The following ZXDA variants were observed in gnomAD, a reference collection of about 807,000 sequenced individuals.
The protein encoded by ZXDA is zinc finger X-linked protein ZXDA.
A neutral mutation model predicts 10.1 loss-of-function variants in ZXDA; 5 were observed. That is an observed-to-expected ratio of 0.50 (90% CI 0.26 to 1.04). ZXDA has a LOEUF of 1.04. ZXDA is among the 50% of genes least tolerant of loss of function. The probability of loss-of-function intolerance (pLI) is 0.14; values close to 1 mark genes in which losing one functional copy is unlikely to be tolerated. For missense variants in ZXDA, 501 were observed against 672.4 expected (o/e 0.75, Z 2.82); for synonymous variants, 266 against 313.1 (o/e 0.85, Z 1.59).
rs761563254 is a variant in ZXDA, at chrX:57,909,434, G to T, written c.987C>A (p.Pro329=). The T allele has an allele frequency of 1.6e-6, 2 of 1,212,239 alleles. No individual in the cohort carries two copies. The change falls in exon 1 of 1, where the codon CCC becomes CCA. Residue 329 remains proline (P), a synonymous_variant. Transcript: ENST00000358697. ...RHLQSHDKLR[P]FGCPAEGCGK... ...CACAGCCCTCCGCAGGGCAGCCGAA[G>T]GGCCGCAGTTTATCGTGCGACTGCA...
chrX:57,909,905 C>A lies in ZXDA; in HGVS notation c.516G>T (p.Leu172=). 1 of 1,198,952 alleles carries A rather than the reference C, an allele frequency of 8.3e-7. No individual in the cohort carries two copies. Among genetic ancestry groups the A allele is most frequent in the African/African-American group, 1.7e-5 (1 of 57,217 alleles). The change falls in exon 1 of 1, where the codon CTG becomes CTT. Residue 172 remains leucine (L), a synonymous_variant. Transcript: ENST00000358697. ...GGACGCCGTTCTCAAAGCGCAACAG[C>A]AGGTCCTGGTTGTGGATAGTGACTG... The part of the protein sequence containing the change: ...AGTVTIHNQD[L]LLRFENGVLT...
In ZXDA at chrX:57,910,352, C is replaced by T. The variant is rs1157562892; in HGVS notation, c.69G>A (p.Ala23=). The change falls in exon 1 of 1, where the codon GCG becomes GCA. Residue 23 remains alanine, a synonymous_variant. Transcript: ENST00000358697. ...GGCCTCGGTGGACTCGGCCGCCACCCGCGGGGATACCGCCGCCGCCGCCGC... is the reference window on the plus strand; with the variant it reads ...GGCCTCGGTGGACTCGGCCGCCACCTGCGGGGATACCGCCGCCGCCGCCGC... ...LQGGGGGGIP[A]GGGRVHRGPD... 8.7e-6 allele frequency: 9 copies of T among 1,033,307 alleles called. No individual in the cohort carries two copies. Among genetic ancestry groups the T allele is most frequent in the Non-Finnish European group, 7.4e-6 (6 of 813,176 alleles). 85.2% of individuals were successfully genotyped at this position (1,033,307 alleles called of 1,213,427 possible). A position where few individuals can be genotyped will look rare whatever the true frequency, so the allele number is the denominator to read the frequency against.
In ZXDA at chrX:57,909,671, G is replaced by T; in HGVS notation, c.750C>A (p.Ala250=). ...APQEEAEGLA[A]ALGPRGLLGS... ...CCAGCAGTCCGCGGGGGCCCAGGGCGGCGGCCAGGCCCTCCGCCTCCTCCT... is the reference window on the plus strand; with the variant it reads ...CCAGCAGTCCGCGGGGGCCCAGGGCTGCGGCCAGGCCCTCCGCCTCCTCCT... The change falls in exon 1 of 1, where the codon GCC becomes GCA. Residue 250 remains alanine, a synonymous_variant. Coordinates refer to ENST00000358697, the MANE Select transcript of ZXDA (RefSeq NM_007156.5). The T allele has an allele frequency of 8.5e-7, 1 of 1,180,032 alleles. No homozygotes were observed. Among genetic ancestry groups the T allele is most frequent in the South Asian group, 1.9e-5 (1 of 53,761 alleles).
At position 57,910,067 on chromosome X, in the gene ZXDA, C is replaced by T; in HGVS notation, c.354G>A (p.Lys118=). 1 of 1,182,866 alleles carries T rather than the reference C, an allele frequency of 8.5e-7. No homozygotes were observed. Among genetic ancestry groups the T allele is most frequent in the Non-Finnish European group, 1.1e-6 (1 of 887,011 alleles). ...AAGPVLREEA[K]AGPGLQGDES... is the part of the protein sequence containing the mutation. ...CGTCCCCCTGGAGCCCCGGGCCCGC[C>T]TTGGCCTCCTCCCTCAACACAGGCC... is the stretch of plus-strand genomic sequence containing the variant. The change falls in exon 1 of 1, where the codon AAG becomes AAA. Residue 118 remains lysine (K), a synonymous_variant. Transcript: ENST00000358697.
rs372260731 is a variant in ZXDA at position 57,909,797 on chromosome X, T to G, written c.624A>C (p.Gln208His). 349 of 1,200,836 alleles carry G rather than the reference T, an allele frequency of 2.9e-4. No individual in the cohort carries two copies. The highest frequency in any genetic ancestry group is 3.7e-4 in the Non-Finnish European group (329 of 891,356). Residue 208 changes from glutamine (Q) to histidine (H), a missense_variant, in exon 1 of 1, where the codon CAA becomes CAC. By Grantham distance (24) the Gln-to-His change is conservative. Transcript: ENST00000358697. ...AQQPRCLIAPQAGFPQAAHPG... is the reference protein window; with the variant it reads ...AQQPRCLIAPHAGFPQAAHPG... ...GGTGCGCGGCTTGCGGGAACCCAGCTTGGGGGGCGATCAGACACCTGGGCT... is the reference window on the plus strand; with the variant it reads ...GGTGCGCGGCTTGCGGGAACCCAGCGTGGGGGGCGATCAGACACCTGGGCT...
Position 57,910,369 on chromosome X carries a change from C to T in ZXDA, c.52G>A (p.Gly18Ser), listed in dbSNP as rs2014417304. The change falls in exon 1 of 1, where the codon GGC becomes AGC. Residue 18 changes from glycine (G) to serine (S), a missense_variant. Coordinates refer to ENST00000358697, the MANE Select transcript of ZXDA (RefSeq NM_007156.5). ...CCGCCACCCGCGGGGATACCGCCGCCGCCGCCGCCCTGTAGTGTCCCGCGA... is the reference window on the plus strand; with the variant it reads ...CCGCCACCCGCGGGGATACCGCCGCTGCCGCCGCCCTGTAGTGTCCCGCGA... ...PARGTLQGGG[G>S]GGIPAGGGRV... is the part of the protein sequence containing the mutation. 4 of 1,029,503 alleles carry T rather than the reference C, an allele frequency of 3.9e-6. No individual in the cohort carries two copies. Among genetic ancestry groups the T allele is most frequent in the Non-Finnish European group, 4.9e-6 (4 of 811,429 alleles). 84.8% of individuals were successfully genotyped at this position (1,029,503 alleles called of 1,213,427 possible).
rs759179481 is a variant in ZXDA at position 57,909,218 on chromosome X, G to A, written c.1203C>T (p.Ile401=). 3 of 1,210,427 alleles carry A rather than the reference G, an allele frequency of 2.5e-6. No individual in the cohort carries two copies. Among genetic ancestry groups the A allele is most frequent in the Non-Finnish European group, 3.4e-6 (3 of 895,342 alleles). Residue 401 remains isoleucine, a synonymous_variant, in exon 1 of 1, where the codon ATC becomes ATT. Coordinates refer to ENST00000358697, the MANE Select transcript of ZXDA (RefSeq NM_007156.5). ...TATGGGAAAACAGAGCACTCACTGT[G>A]ATAAATGTCTTCTTGCAGCCAGAAA... ...CAFSGCKKTF[I]TVSALFSHNR... is the part of the protein sequence containing the mutation.
At position 57,907,809 on chromosome X, in the gene ZXDA, G is replaced by T. The variant is rs1330660552; in HGVS notation, c.*212C>A. 5.0e-6 allele frequency: 2 copies of T among 398,270 alleles called. No individual in the cohort carries two copies. Among genetic ancestry groups the T allele is most frequent in the Non-Finnish European group, 8.6e-6 (2 of 233,523 alleles). 32.8% of individuals were successfully genotyped at this position (398,270 alleles called of 1,213,427 possible). A position where few individuals can be genotyped will look rare whatever the true frequency, so the allele number is the denominator to read the frequency against. On this transcript the variant is annotated 3_prime_UTR_variant, in exon 1 of 1. Coordinates refer to ENST00000358697, the MANE Select transcript of ZXDA (RefSeq NM_007156.5). ...CACAATTTATAAATAAGGAAATTAA[G>T]GCTCAGATAGGTTAAGTGACTTGCT...
At position 57,907,816 on chromosome X, in the gene ZXDA, A is replaced by G. The variant is rs770475748; in HGVS notation, c.*205T>C. On this transcript the variant is annotated 3_prime_UTR_variant, in exon 1 of 1. Transcript: ENST00000358697. ...TATAAATAAGGAAATTAAGGCTCAGATAGGTTAAGTGACTTGCTGAGGGTC... is the reference window on the plus strand; with the variant it reads ...TATAAATAAGGAAATTAAGGCTCAGGTAGGTTAAGTGACTTGCTGAGGGTC... 33 of 418,342 alleles carry G rather than the reference A, an allele frequency of 7.9e-5. No individual in the cohort carries two copies. The highest frequency in any genetic ancestry group is 7.7e-4 in the African/African-American group (31 of 40,074). The allele number at this position is 418,342 out of a possible 1,213,427, so 34.5% of individuals were successfully genotyped here.
At position 57,910,042 on chromosome X, in the gene ZXDA, C is replaced by G. The variant is rs199526707; in HGVS notation, c.379G>C (p.Glu127Gln). ...AKAGPGLQGD[E>Q]SGANPAGCSA... ...CAGCCCGCGGGGTTCGCGCCGCTCT[C>G]GTCCCCCTGGAGCCCCGGGCCCGCC... Residue 127 changes from glutamate to glutamine, a missense_variant, in exon 1 of 1, where the codon GAG (glutamate) becomes CAG (glutamine). By Grantham distance (29) the Glu-to-Gln change is conservative (BLOSUM62 2). Around this residue, in one of 5 missense-constraint regions of ZXDA, gnomAD observed 251 missense variants for 221.6 expected, o/e 1.13. Transcript: ENST00000358697. 375 of 1,151,781 alleles carry G rather than the reference C, an allele frequency of 3.3e-4. 5 individuals carry two copies. The African/African-American group carries it at 4.9e-3, about 15-fold the overall frequency. The allele number at this position is 1,151,781 out of a possible 1,213,427, so 94.9% of individuals were successfully genotyped here.
chrX:57,909,750 C>G lies in ZXDA; in HGVS notation c.671G>C (p.Arg224Pro), dbSNP rs781048780. The G allele has an allele frequency of 2.7e-4, 318 of 1,191,803 alleles. No individual in the cohort carries two copies. In the Admixed American group the frequency reaches 3.7e-3, roughly 14 times the overall value. ...AAHPGDCPEL[R>P]SDLLLAEPAE... Reference sequence around the variant, plus strand: ...GGGCTCGGCTAGCAGGAGGTCGGACCGCAGCTCTGGGCAGTCACCCGGGTG... The same window carrying G: ...GGGCTCGGCTAGCAGGAGGTCGGACGGCAGCTCTGGGCAGTCACCCGGGTG... Residue 224 changes from arginine (R) to proline (P), a missense_variant, in exon 1 of 1, where the codon CGG (arginine) becomes CCG (proline). Around this residue, in one of 5 missense-constraint regions of ZXDA, gnomAD observed 251 missense variants for 221.6 expected, o/e 1.13. Coordinates refer to ENST00000358697, the MANE Select transcript of ZXDA (RefSeq NM_007156.5).
Position 57,908,061 on chromosome X carries a change from C to G in ZXDA, c.2360G>C (p.Arg787Thr), listed in dbSNP as rs750082980. ...AAGNHGSQKERNLITVTGSSF... is the reference protein window; with the variant it reads ...AAGNHGSQKETNLITVTGSSF... ...GCTGCCAGTCACAGTGATAAGATTT[C>G]TTTCTTTCTGAGAACCATGGTTTCC... The change falls in exon 1 of 1, where the codon AGA (arginine) becomes ACA (threonine). Residue 787 changes from arginine to threonine, a missense_variant. By Grantham distance (71) the Arg-to-Thr change is moderately conservative (BLOSUM62 -1). Coordinates refer to ENST00000358697, the MANE Select transcript of ZXDA (RefSeq NM_007156.5). The G allele has an allele frequency of 2.2e-5, 27 of 1,210,027 alleles. No homozygotes were observed. In the African/African-American group the frequency reaches 2.6e-4, roughly 12 times the overall value.
At position 57,909,392 on chromosome X, in the gene ZXDA, G is replaced by A. The variant is rs150800705; in HGVS notation, c.1029C>T (p.Thr343=). 4 of 1,211,893 alleles carry A rather than the reference G, an allele frequency of 3.3e-6. No individual in the cohort carries two copies. Among genetic ancestry groups the A allele is most frequent in the East Asian group, 5.9e-5 (2 of 33,796 alleles). Residue 343 remains threonine, a synonymous_variant, in exon 1 of 1, where the codon ACC becomes ACT. Coordinates refer to ENST00000358697, the MANE Select transcript of ZXDA (RefSeq NM_007156.5). ...TCATGTGCGCCTTGAGGTTGTACACGGTGGTGAAGCTCTTGCCACAGCCCT... is the reference window on the plus strand; with the variant it reads ...TCATGTGCGCCTTGAGGTTGTACACAGTGGTGAAGCTCTTGCCACAGCCCT... The part of the protein sequence containing the change: ...PAEGCGKSFT[T]VYNLKAHMKG...
At position 57,905,844 on chromosome X, in the gene ZXDA, T is replaced by G; in HGVS notation, c.*2177A>C. Among the ~76,000 whole-genome samples the G allele has an allele frequency of 8.9e-6, 1 of 112,013 alleles. No individual in the cohort carries two copies. The highest frequency in any genetic ancestry group is 4.6e-3 in the Middle Eastern group (1 of 218). ...ATTAAGGAAACAATGTGACAGAGTT[T>G]TAAGATATCTATATAGTTATGTATC... On this transcript the variant is annotated 3_prime_UTR_variant, in exon 1 of 1. Transcript: ENST00000358697.
At position 57,910,150 on chromosome X, in the gene ZXDA, C is replaced by G. The variant is rs947308653; in HGVS notation, c.271G>C (p.Val91Leu). The change falls in exon 1 of 1, where the codon GTG (valine) becomes CTG (leucine). Residue 91 changes from valine (V) to leucine (L), a missense_variant. Around this residue, in one of 5 missense-constraint regions of ZXDA, gnomAD observed 251 missense variants for 221.6 expected, o/e 1.13. Coordinates refer to ENST00000358697, the MANE Select transcript of ZXDA (RefSeq NM_007156.5). ...PSGGGDDFFLVLLDPVGGDVE... is the reference protein window; with the variant it reads ...PSGGGDDFFLLLLDPVGGDVE... ...TCGCCACCCACCGGGTCAAGCAGCA[C>G]CAGGAAGAAGTCGTCGCCGCCGCCG... 2.5e-6 allele frequency: 3 copies of G among 1,200,494 alleles called. No homozygotes were observed. The highest frequency in any genetic ancestry group is 3.4e-6 in the Non-Finnish European group (3 of 893,373).
In ZXDA at chrX:57,910,198, C is replaced by T; in HGVS notation, c.223G>A (p.Ala75Thr). 1 of 1,199,409 alleles carries T rather than the reference C, an allele frequency of 8.3e-7. No homozygotes were observed. The highest frequency in any genetic ancestry group is 1.1e-6 in the Non-Finnish European group (1 of 892,787). The change falls in exon 1 of 1, where the codon GCG becomes ACG. Residue 75 changes from alanine (A) to threonine (T), a missense_variant. Around this residue, in one of 5 missense-constraint regions of ZXDA, gnomAD observed 251 missense variants for 221.6 expected, o/e 1.13. Coordinates refer to ENST00000358697, the MANE Select transcript of ZXDA (RefSeq NM_007156.5). ...CCGCTAGGTTGATGGGGCCTCGGCG[C>T]GAACAGGCTTGGGCCAGGGCCCCGT... ...ASRGPGPSLF[A>T]PRPHQPSGGG...
At position 57,909,688 on chromosome X, in the gene ZXDA, C is replaced by A; in HGVS notation, c.733G>T (p.Ala245Ser). 1 of 1,179,287 alleles carries A rather than the reference C, an allele frequency of 8.5e-7. No homozygotes were observed. Among genetic ancestry groups the A allele is most frequent in the East Asian group, 3.1e-5 (1 of 32,292 alleles). ...CCCAGGGCGGCGGCCAGGCCCTCCG[C>A]CTCCTCCTGGGGCGCCGGAGCAGGC... ...PAPAPAPQEE[A>S]EGLAAALGPR... The change falls in exon 1 of 1, where the codon GCG (alanine) becomes TCG (serine). Residue 245 changes from alanine to serine, a missense_variant. Coordinates refer to ENST00000358697, the MANE Select transcript of ZXDA (RefSeq NM_007156.5).
rs1020851613 is a variant in ZXDA, at chrX:57,908,706, T to A, written c.1715A>T (p.Gln572Leu). 8.3e-7 allele frequency: 1 copy of A among 1,210,392 alleles called. No homozygotes were observed. The highest frequency in any genetic ancestry group is 1.8e-5 in the South Asian group (1 of 56,909). Reference sequence around the variant, plus strand: ...TGCTTCTAGCTGAGCTAAGAGATCCTGGCCCACCTTATGCCTTTTAACCAT... The same window carrying A: ...TGCTTCTAGCTGAGCTAAGAGATCCAGGCCCACCTTATGCCTTTTAACCAT... ...THMVKRHKVGQDLLAQLEAAN... is the reference protein window; with the variant it reads ...THMVKRHKVGLDLLAQLEAAN... The change falls in exon 1 of 1, where the codon CAG becomes CTG. Residue 572 changes from glutamine to leucine, a missense_variant. Gln to Leu is a moderately radical substitution (Grantham distance 113). Transcript: ENST00000358697.
chrX:57,909,565 T>C lies in ZXDA; in HGVS notation c.856A>G (p.Met286Val), dbSNP rs141858271. The change falls in exon 1 of 1, where the codon ATG becomes GTG. Residue 286 changes from methionine to valine, a missense_variant. Physicochemically the swap from Met to Val is conservative, Grantham distance 21. Transcript: ENST00000358697. ...CTGCTGCTGTGCGTCAGCAGGTGCA[T>C]CTTCAGCTGGTGCTTCTTGGCGAAG... ...QTFAKKHQLKMHLLTHSSSQG... is the reference protein window; with the variant it reads ...QTFAKKHQLKVHLLTHSSSQG... 2,003 of 1,205,675 alleles carry C rather than the reference T, an allele frequency of 1.7e-3. 2 individuals are homozygous for C. The highest frequency in any genetic ancestry group is 1.8e-3 in the Non-Finnish European group (1,637 of 892,977).
Sources: allele counts gnomAD v4.1 joint callset (sites outside exome capture counted in the v4.1 genomes callset), GRCh38; gene constraint gnomAD v4.1.1; regional missense constraint gnomAD v4.1.1; transcripts MANE v1.5; gene names NCBI Gene and HGNC (gene_info 2026-07-23, HGNC 2026-07-21).